Variants in ADGRD2 observed in about 807,000 individuals in gnomAD.
ADGRD2 encodes adhesion G protein-coupled receptor D2.
Under a neutral mutation model 44.4 loss-of-function variants are expected in ADGRD2, and 71 were observed. That is an observed-to-expected ratio of 1.60 (90% CI 1.32 to 1.95). The LOEUF (loss-of-function observed/expected upper bound fraction) is 1.95, where lower values mean the gene tolerates loss of function less well. ADGRD2 is among the 30% of genes most tolerant of loss of function. The probability of loss-of-function intolerance (pLI) is 0.00; values close to 1 mark genes in which losing one functional copy is unlikely to be tolerated. For missense variants in ADGRD2, 1,039 were observed against 512.4 expected (o/e 2.03, Z -9.92); for synonymous variants, 481 against 224.8 (o/e 2.14, Z -10.19).
chr9:124,454,555 G>A lies in ADGRD2; in HGVS notation c.1096G>A (p.Ala366Thr). The change falls in exon 5 of 22, where the codon GCC becomes ACC. Residue 366 changes from alanine to threonine, a missense_variant. By Grantham distance (58) the Ala-to-Thr change is moderately conservative. Transcript: ENST00000334810. This position sits in a 1 kb window ranked among gnomAD's most constrained non-coding sequence, Gnocchi z 4.5. ...TGTTATCAGCCGAGTCAATGCCTTG[G>A]CCAACGACATTGTGGTGAGCTCCCT... The A allele has an allele frequency of 1.4e-6, 1 of 716,936 alleles. No individual in the cohort carries two copies. The highest frequency in any genetic ancestry group is 2.7e-5 in the East Asian group (1 of 37,236). 44.4% of individuals were successfully genotyped at this position (716,936 alleles called of 1,614,324 possible).
chr9:124,477,074 C>G (rs755738481), intron 21 of ADGRD2: 1 of 532,470 alleles, frequency 1.9e-6, no homozygotes, highest in Non-Finnish European at 3.7e-6. Context: ...CAGCACCCCC[C>G]GTCACCCTCT....
At chr9:124,469,642 C>A in intron 16 of ADGRD2, 95 bp downstream of exon 19, 1 of 685,532 alleles carries the variant, frequency 1.5e-6, no homozygotes, top group East Asian at 2.7e-5. Context: ...ACGTGCGAGT[C>A]TGTGTCCAGA....
chr9:124,477,641 G>C (rs1297091667), intron 21 of ADGRD2, among the ~76,000 whole-genome samples: 1 of 152,206 alleles, frequency 6.6e-6, no homozygotes, highest in Non-Finnish European at 1.5e-5. Flanking sequence ...TGTAAACGTA[G>C]AGCCGCGTGA....
chr9:124,456,004 A>G (rs1449610665), intron 6 of ADGRD2, among the ~76,000 whole-genome samples: 4 of 152,198 alleles, frequency 2.6e-5, no homozygotes, highest in South Asian at 2.1e-4. Context: ...GGCTGGTTCT[A>G]TGGAATGATT....
rs1252076779 is a variant in ADGRD2 at position 124,454,787 on chromosome 9, TG to T, written c.1109-50del. On this transcript the variant is annotated intron_variant, in intron 5 of 21. Transcript: ENST00000334810. The surrounding 1 kb of genome is among the most constrained non-coding windows in gnomAD (Gnocchi z 4.5). ...CCTGGCAAAGCCCAAGTGTGGCCCT[TG>T]GGGGGATCCCCTCATAACAACCAGA... 5 of 634,892 alleles carry T rather than the reference TG, an allele frequency of 7.9e-6. No individual in the cohort carries two copies. Among genetic ancestry groups the T allele is most frequent in the Non-Finnish European group, 1.4e-5 (5 of 348,710 alleles). The allele number at this position is 634,892 out of a possible 1,614,324, so 39.3% of individuals were successfully genotyped here.
chr9:124,452,329 A>G, intron 1 of ADGRD2, 175 bp downstream of exon 4: 1 of 640,486 alleles, frequency 1.6e-6, no homozygotes, highest in South Asian at 1.8e-5. Flanking sequence ...CATTCCTGCC[A>G]TTGCGCAGAT....
chr9:124,472,462 TGTTTG>T (rs1376296987), intron 17 of ADGRD2, among the ~76,000 whole-genome samples: 65 of 126,888 alleles, frequency 5.1e-4, no homozygotes, highest in African/African-American at 2.4e-3. Flanking sequence ...GTTTGTTTTT[TGTTTG>T]TTTTTTGTTT....
At position 124,476,526 on chromosome 9, in the gene ADGRD2, C is replaced by G. The variant is rs1459322400; in HGVS notation, c.2904+111C>G. On this transcript the variant is annotated intron_variant, in intron 20 of 21. Transcript: ENST00000334810. Reference sequence around the variant, plus strand: ...GGGTAGGGCCGGGGTGGGGGCTTCCCGGGGATCTGTTTCTCTGTTCTTGGG... The same window carrying G: ...GGGTAGGGCCGGGGTGGGGGCTTCCGGGGGATCTGTTTCTCTGTTCTTGGG... 6.3e-6 allele frequency: 4 copies of G among 637,308 alleles called. No individual in the cohort carries two copies. The South Asian group carries it at 6.8e-5, about 11-fold the overall frequency. The allele number at this position is 637,308 out of a possible 1,614,324, so 39.5% of individuals were successfully genotyped here.
At chr9:124,470,898 G>C (rs1377071186) in intron 17 of ADGRD2, among the ~76,000 whole-genome samples, 1 of 152,260 alleles carries the variant, frequency 6.6e-6, no homozygotes, top group Non-Finnish European at 1.5e-5. Flanking sequence ...TGGACACTCA[G>C]GGTCCGGCAG....
upstream of ADGRD2, chr9:124,451,471 C>T (rs1363908576): frequency 2.9e-6 from 1 of 349,442 alleles, no homozygotes; most frequent in Non-Finnish European, 5.6e-6. Context: ...CCACCCCATC[C>T]TGGGCTTCCA....
At chr9:124,464,432 C>G (rs1199954404) in intron 10 of ADGRD2, among the ~76,000 whole-genome samples, 2 of 152,328 alleles carry the variant, frequency 1.3e-5, no homozygotes, top group African/African-American at 2.4e-5. Context: ...AGCAGGTTAA[C>G]CCTCCTTTCT....
intron 17 of ADGRD2, among the ~76,000 whole-genome samples, chr9:124,474,325 T>G (rs1305479842): frequency 1.4e-5 from 2 of 148,068 alleles, no homozygotes; most frequent in Admixed American, 1.3e-4. Context: ...CCAGGGGTAG[T>G]TGGGAGCCAT....
chr9:124,454,685 C>G lies in ADGRD2; in HGVS notation c.1108+116C>G. ...CCTGGTGTGTCTGCAGGAATAAAGGCCATTCAGGCTCCCTATTCTGTAGCC... is the reference window on the plus strand; with the variant it reads ...CCTGGTGTGTCTGCAGGAATAAAGGGCATTCAGGCTCCCTATTCTGTAGCC... On this transcript the variant is annotated intron_variant, in intron 5 of 21. Transcript: ENST00000334810. This position sits in a 1 kb window ranked among gnomAD's most constrained non-coding sequence, Gnocchi z 4.5. 1.6e-6 allele frequency: 1 copy of G among 645,098 alleles called. No homozygotes were observed. Among genetic ancestry groups the G allele is most frequent in the Admixed American group, 2.2e-5 (1 of 44,518 alleles). The allele number at this position is 645,098 out of a possible 1,614,324, so 40.0% of individuals were successfully genotyped here. A position where few individuals can be genotyped will look rare whatever the true frequency, so the allele number is the denominator to read the frequency against.
At chr9:124,452,518 G>A (rs758417358) in exon 2 of ADGRD2, 19 of 718,422 alleles carry the variant, frequency 2.6e-5, no homozygotes, top group Admixed American at 6.0e-5. Flanking sequence ...AGCCCCCGTG[G>A]CCGCCGGCGA....
intron 17 of ADGRD2, among the ~76,000 whole-genome samples, chr9:124,475,177 T>C (rs1832020759): frequency 1.3e-5 from 2 of 152,216 alleles, no homozygotes; most frequent in South Asian, 4.1e-4. Flanking sequence ...CACAGAGGAC[T>C]GGAGTCAGAG....
At chr9:124,453,872 A>ACCCCCCCCCC in intron 3 of ADGRD2, 127 bp from the exon 7 acceptor site, 1 of 581,742 alleles carries the variant, frequency 1.7e-6, no homozygotes, top group East Asian at 3.0e-5. Flanking sequence ...CGGCCCCCTT[A>ACCCCCCCCCC]CCCCCACCCC....
intron 7 of ADGRD2, 116 bp downstream of exon 10, chr9:124,456,849 A>G (rs1564138530): frequency 3.0e-6 from 2 of 668,488 alleles, no homozygotes; most frequent in Non-Finnish European, 5.5e-6. Context: ...GCCTTTGCCC[A>G]TGCTGTGCCC....
exon 3 of ADGRD2, chr9:124,453,559 C>T (rs1339053752): frequency 4.3e-6 from 3 of 698,178 alleles, no homozygotes; most frequent in Non-Finnish European, 5.2e-6. Context: ...CGCTCAGCTG[C>T]ACCGGGCACG....
intron 7 of ADGRD2, among the ~76,000 whole-genome samples, chr9:124,457,023 G>A (rs1405001462): frequency 6.6e-6 from 1 of 152,192 alleles, no homozygotes; most frequent in Non-Finnish European, 1.5e-5. Context: ...CCTTGAACAT[G>A]TCTTTCATTG....
Sources: allele counts gnomAD v4.1 joint callset (sites outside exome capture counted in the v4.1 genomes callset), GRCh38; gene constraint gnomAD v4.1.1; non-coding constraint Gnocchi (gnomAD v3.1); transcripts MANE v1.5; gene names NCBI Gene and HGNC (gene_info 2026-07-23, HGNC 2026-07-21).